RNF144B: variants seen among roughly 807,000 people sequenced by gnomAD.
The protein encoded by RNF144B is ring finger protein 144B, also known as E3 ubiquitin-protein ligase RNF144B.
In RNF144B, 25 loss-of-function variants were observed where a neutral mutation model predicts 40.2. The observed-to-expected ratio is 0.62, with a 90% CI of 0.45 to 0.87. The LOEUF is 0.87. Among genes scored for constraint, RNF144B ranks in the 40% least tolerant of loss-of-function variants. The probability of loss-of-function intolerance (pLI) is 0.00; values close to 1 mark genes in which losing one functional copy is unlikely to be tolerated. For synonymous variants in RNF144B, 145 were observed against 136.3 expected, an observed-to-expected ratio of 1.06 and a Z score of -0.44; for missense variants, 365 against 373.7, an observed-to-expected ratio of 0.98 and a Z score of 0.19.
rs907943575 is a variant in RNF144B, at chr6:18,468,298, G to A, written c.*3231G>A. 4 of 152,236 alleles carry A rather than the reference G, an allele frequency of 2.6e-5. No individual in the cohort carries two copies. Among genetic ancestry groups the A allele is most frequent in the African/African-American group, 4.8e-5 (2 of 41,454 alleles). The allele number at this position is 152,236 out of a possible 1,614,324, so 9.4% of individuals were successfully genotyped here. A position where few individuals can be genotyped will look rare whatever the true frequency, so the allele number is the denominator to read the frequency against. On this transcript the variant is annotated 3_prime_UTR_variant, in exon 8 of 8. Coordinates refer to ENST00000259939, the MANE Select transcript of RNF144B (RefSeq NM_182757.4). ...TTTTTTCTTGTTGTGAGGTAGGGAAGTGAGGAGGAAAGCCATGCCGAAGCA... is the reference window on the plus strand; with the variant it reads ...TTTTTTCTTGTTGTGAGGTAGGGAAATGAGGAGGAAAGCCATGCCGAAGCA...
At position 18,409,402 on chromosome 6, in the gene RNF144B, A is replaced by AAG. The variant is rs1562043477; in HGVS notation, c.165+9704_165+9705insGA. Reference sequence around the variant, plus strand: ...AAAAAAAAAAAAAAAAAAAAAAAAAAACCCTGGAAAACTCTTCTTTTTCTG... The same window carrying AAG: ...AAAAAAAAAAAAAAAAAAAAAAAAAAAGACCCTGGAAAACTCTTCTTTTTCTG... On this transcript the variant is annotated intron_variant, in intron 2 of 7. Transcript: ENST00000259939. 1.9e-4 allele frequency among the ~76,000 whole-genome samples: 23 copies of AAG among 118,364 alleles called. 3 individuals are homozygous for AAG. Among genetic ancestry groups the AAG allele is most frequent in the Non-Finnish European group, 2.6e-4 (15 of 58,574 alleles). The allele number at this position is 118,364 out of a possible 152,430, so 77.7% of individuals were successfully genotyped here. A position where few individuals can be genotyped will look rare whatever the true frequency, so the allele number is the denominator to read the frequency against.
chr6:18,422,673 A>G lies in RNF144B; in HGVS notation c.166-4908A>G, dbSNP rs1400080910. 6.6e-6 allele frequency among the ~76,000 whole-genome samples: 1 copy of G among 152,170 alleles called. No homozygotes were observed. Among genetic ancestry groups the G allele is most frequent in the Non-Finnish European group, 1.5e-5 (1 of 68,034 alleles). On this transcript the variant is annotated intron_variant, in intron 2 of 7. Coordinates refer to ENST00000259939, the MANE Select transcript of RNF144B (RefSeq NM_182757.4). The surrounding 1 kb of genome is among the most constrained non-coding windows in gnomAD (Gnocchi z 4.7). ...TCCTGGAAGTCAACTTAAATTTTCA[A>G]TGAATGGGCCAGTTGCAGTGGCTCA...
chr6:18,420,337 C>T lies in RNF144B; in HGVS notation c.166-7244C>T, dbSNP rs1310971592. On this transcript the variant is annotated intron_variant, in intron 2 of 7. Coordinates refer to ENST00000259939, the MANE Select transcript of RNF144B (RefSeq NM_182757.4). ...GATTTTCAGATTAGGGATACTCAAC[C>T]AGTAAGTGCTGGATTCAGGCTTCCA... Among the ~76,000 whole-genome samples the T allele has an allele frequency of 7.2e-5, 11 of 152,184 alleles. No individual in the cohort carries two copies. In the South Asian group the frequency reaches 1.7e-3, roughly 23 times the overall value.
chr6:18,412,636 G>A lies in RNF144B; in HGVS notation c.165+12937G>A, dbSNP rs944373041. 6.6e-6 allele frequency among the ~76,000 whole-genome samples: 1 copy of A among 152,160 alleles called. No individual in the cohort carries two copies. Among genetic ancestry groups the A allele is most frequent in the Admixed American group, 6.5e-5 (1 of 15,274 alleles). Reference sequence around the variant, plus strand: ...TAAAAAATTTAGGCAAGTTGAAAAAGGGTGGTGAGTTAACTAGAAAATTCA... The same window carrying A: ...TAAAAAATTTAGGCAAGTTGAAAAAAGGTGGTGAGTTAACTAGAAAATTCA... On this transcript the variant is annotated intron_variant, in intron 2 of 7. Transcript: ENST00000259939. The surrounding 1 kb of genome is among the most constrained non-coding windows in gnomAD (Gnocchi z 4.2).
chr6:18,399,625 A>G lies in RNF144B; in HGVS notation c.91A>G (p.Lys31Glu). 3 of 1,614,158 alleles carry G rather than the reference A, an allele frequency of 1.9e-6. No individual in the cohort carries two copies. The highest frequency in any genetic ancestry group is 2.5e-6 in the Non-Finnish European group (3 of 1,180,044). ...DLAPAPLITC[K>E]LCLCEQSLDK... is the part of the protein sequence containing the mutation. ...GGCTCCGGCCCCCCTCATCACTTGC[A>G]AACTCTGCCTGTGTGAGCAGTCTCT... Residue 31 changes from lysine (K) to glutamate (E), a missense_variant, in exon 2 of 8, where the codon AAA becomes GAA. Physicochemically the swap from Lys to Glu is moderately conservative, Grantham distance 56. Transcript: ENST00000259939.
Position 18,458,984 on chromosome 6 carries a change from G to A in RNF144B, c.537-623G>A, listed in dbSNP as rs891205021. 6.6e-6 allele frequency among the ~76,000 whole-genome samples: 1 copy of A among 152,166 alleles called. No individual in the cohort carries two copies. The highest frequency in any genetic ancestry group is 1.5e-5 in the Non-Finnish European group (1 of 68,034). On this transcript the variant is annotated intron_variant, in intron 5 of 7. Coordinates refer to ENST00000259939, the MANE Select transcript of RNF144B (RefSeq NM_182757.4). This position sits in a 1 kb window ranked among gnomAD's most constrained non-coding sequence, Gnocchi z 4.8. ...GACAATATGAGGTTATTGTTCATACGAAGTCTGATAATAGATTTGACAACA... is the reference window on the plus strand; with the variant it reads ...GACAATATGAGGTTATTGTTCATACAAAGTCTGATAATAGATTTGACAACA...
In RNF144B at chr6:18,454,449, CT is replaced by C. The variant is rs1446240068; in HGVS notation, c.332-2705del. On this transcript the variant is annotated intron_variant, in intron 4 of 7. Transcript: ENST00000259939. ...AGAGTCAAAATCTGTCTCTTAGTTA[CT>C]CCACTAATGCTCTTAGTTAAGCTCT... Among the ~76,000 whole-genome samples, 4 of 152,216 alleles carry C rather than the reference CT, an allele frequency of 2.6e-5. No individual in the cohort carries two copies. The South Asian group carries it at 6.2e-4, about 24-fold the overall frequency.
intron 3 of RNF144B, among the ~76,000 whole-genome samples, chr6:18,438,435 T>C (rs1758872989): frequency 6.6e-6 from 1 of 152,146 alleles, no homozygotes; most frequent in Non-Finnish European, 1.5e-5. Context: ...TCTCCCCAAC[T>C]GGAGAAAGAA....
intron 2 of RNF144B, among the ~76,000 whole-genome samples, chr6:18,401,417 A>T (rs904331936): frequency 6.6e-6 from 1 of 152,176 alleles, no homozygotes; most frequent in African/African-American, 2.4e-5. Context: ...AAAAGCAGAG[A>T]GTCAAATGGC....
At chr6:18,455,342 T>A (rs557471046) in intron 4 of RNF144B, among the ~76,000 whole-genome samples, 366 of 152,312 alleles carry the variant, frequency 2.4e-3, no homozygotes, top group African/African-American at 8.5e-3. Context: ...AATTTTTGAA[T>A]GAAAACTTAT....
At chr6:18,451,192 A>T (rs1238830270) in intron 4 of RNF144B, among the ~76,000 whole-genome samples, 1 of 152,130 alleles carries the variant, frequency 6.6e-6, no homozygotes, top group African/African-American at 2.4e-5. Context: ...TATTCATTTT[A>T]AACATCTATT....
chr6:18,430,788 AATAG>A (rs139330632), intron 3 of RNF144B, among the ~76,000 whole-genome samples: 2,271 of 151,700 alleles, frequency 0.015, 59 homozygotes, highest in African/African-American at 0.051. Context: ...ATTTTCTTTG[AATAG>A]ACATTTTCTC....
intron 1 of RNF144B, among the ~76,000 whole-genome samples, chr6:18,397,440 A>G (rs1362758301): frequency 6.6e-6 from 1 of 152,214 alleles, no homozygotes; most frequent in Non-Finnish European, 1.5e-5. Flanking sequence ...AGTAAGAACT[A>G]TAGGATTTTG....
In RNF144B at chr6:18,441,501, T is replaced by TGCCCCATATGTCAGCAACA; in HGVS notation, c.331+1759_331+1777dup. Among the ~76,000 whole-genome samples, 1 of 152,208 alleles carries TGCCCCATATGTCAGCAACA rather than the reference T, an allele frequency of 6.6e-6. No homozygotes were observed. Among genetic ancestry groups the TGCCCCATATGTCAGCAACA allele is most frequent in the Non-Finnish European group, 1.5e-5 (1 of 68,040 alleles). ...CTGTTACTTCCCTGGCTAACTTCACTGCCCCATATGTCAGCAACAGGCCTT... is the reference window on the plus strand; with the variant it reads ...CTGTTACTTCCCTGGCTAACTTCACTGCCCCATATGTCAGCAACAGCCCCATATGTCAGCAACAGGCCTT... On this transcript the variant is annotated intron_variant, in intron 4 of 7. Coordinates refer to ENST00000259939, the MANE Select transcript of RNF144B (RefSeq NM_182757.4). This position sits in a 1 kb window ranked among gnomAD's most constrained non-coding sequence, Gnocchi z 4.9.
chr6:18,411,489 ATATATATATTTTTTTT>A (rs1176090607), intron 2 of RNF144B, among the ~76,000 whole-genome samples: 19 of 21,360 alleles, frequency 8.9e-4, no homozygotes, highest in African/African-American at 2.5e-3. Flanking sequence ...ATATATATAT[ATATATATATTTTTTTT>A]TTTTTTTTTT....
intron 2 of RNF144B, among the ~76,000 whole-genome samples, chr6:18,424,271 C>T (rs903148677): frequency 1.3e-4 from 20 of 152,142 alleles, no homozygotes; most frequent in African/African-American, 4.8e-4. Context: ...CAGCATATAA[C>T]AAGCCTGGGG....
In RNF144B at chr6:18,449,240, A is replaced by G. The variant is rs528330901; in HGVS notation, c.332-7915A>G. Reference sequence around the variant, plus strand: ...TAAAATGTGGAAATCTTTCAGATCAAAACTATCTGTAGATTGGTTGCTTAT... The same window carrying G: ...TAAAATGTGGAAATCTTTCAGATCAGAACTATCTGTAGATTGGTTGCTTAT... On this transcript the variant is annotated intron_variant, in intron 4 of 7. Coordinates refer to ENST00000259939, the MANE Select transcript of RNF144B (RefSeq NM_182757.4). Among the ~76,000 whole-genome samples, 10 of 152,362 alleles carry G rather than the reference A, an allele frequency of 6.6e-5. No individual in the cohort carries two copies. In the East Asian group the frequency reaches 1.9e-3, roughly 29 times the overall value.
At chr6:18,463,220 C>A (rs779229998) in intron 6 of RNF144B, 71 bp from the exon 7 acceptor site, 74 of 979,234 alleles carry the variant, frequency 7.6e-5, no homozygotes, top group Non-Finnish European at 1.0e-4. Flanking sequence ...ATTTGGTGAT[C>A]TGATGTGGTC....
intron 1 of RNF144B, among the ~76,000 whole-genome samples, chr6:18,389,877 C>T (rs1309599519): frequency 6.6e-6 from 1 of 152,168 alleles, no homozygotes; most frequent in Non-Finnish European, 1.5e-5. Flanking sequence ...ATAGAAGCTC[C>T]TTACCTGAAA....
Sources: allele counts gnomAD v4.1 joint callset (sites outside exome capture counted in the v4.1 genomes callset), GRCh38; gene constraint gnomAD v4.1.1; non-coding constraint Gnocchi (gnomAD v3.1); transcripts MANE v1.5; gene names NCBI Gene and HGNC (gene_info 2026-07-23, HGNC 2026-07-21).